STARD9: variants seen among roughly 807,000 people sequenced by gnomAD.
STARD9 encodes the protein StAR related lipid transfer domain containing 9, also known as stAR-related lipid transfer protein 9.
STARD9 carries 346 observed loss-of-function variants against 399.8 expected under a neutral mutation model. That is an observed-to-expected ratio of 0.87 (90% CI 0.79 to 0.95). The LOEUF is 0.95. Among genes scored for constraint, STARD9 ranks in the 40% least tolerant of loss-of-function variants. The pLI is 0.00. For missense variants in STARD9, 5,832 were observed against 5,667.5 expected, an observed-to-expected ratio of 1.03 and a Z score of -0.93; for synonymous variants, 2,203 against 2,143.5, an observed-to-expected ratio of 1.03 and a Z score of -0.77.
chr15:42,691,195 A>G lies in STARD9; in HGVS notation c.9617A>G (p.Asp3206Gly), dbSNP rs2060687619. Residue 3206 changes from aspartate to glycine, a missense_variant, in exon 23 of 33, where the codon GAC (aspartate) becomes GGC (glycine). Transcript: ENST00000290607. ...RLKHTCSPQE[D>G]SPWQEEEQHR... ...AAACATACCTGCAGCCCCCAGGAAG[A>G]CAGTCCCTGGCAGGAAGAAGAGCAG... The G allele has an allele frequency of 6.5e-7, 1 of 1,537,278 alleles. No homozygotes were observed. The highest frequency in any genetic ancestry group is 8.7e-7 in the Non-Finnish European group (1 of 1,146,900).
Position 42,685,692 on chromosome 15 carries a change from G to T in STARD9, c.4114G>T (p.Glu1372Ter). ...DMQEFHSCKG[E>*]RPGYWPNTEE... The stretch of plus-strand genomic sequence containing the variant: ...GCAGGAATTTCACTCCTGTAAGGGG[G>T]AGAGGCCTGGATACTGGCCAAATAC... Residue 1372 changes from glutamate to a stop codon, truncating the protein, a stop_gained, in exon 23 of 33, where the codon GAG becomes TAG. Transcript: ENST00000290607. LOFTEE classifies it high-confidence loss of function. The T allele has an allele frequency of 6.5e-7, 1 of 1,537,292 alleles. No individual in the cohort carries two copies. The highest frequency in any genetic ancestry group is 1.2e-5 in the South Asian group (1 of 84,062).
chr15:42,691,733 A>C lies in STARD9; in HGVS notation c.10155A>C (p.Lys3385Asn). The C allele has an allele frequency of 6.5e-7, 1 of 1,537,240 alleles. No individual in the cohort carries two copies. Among genetic ancestry groups the C allele is most frequent in the Non-Finnish European group, 8.7e-7 (1 of 1,146,904 alleles). The change falls in exon 23 of 33, where the codon AAA (lysine) becomes AAC (asparagine). Residue 3385 changes from lysine (K) to asparagine (N), a missense_variant. By Grantham distance (94) the Lys-to-Asn change is moderately conservative. This residue lies in a region of STARD9 where 5,828 missense variants were observed against 5,651.1 expected (regional missense o/e 1.03). Transcript: ENST00000290607. ...TSLQAEDSNQ[K>N]ASSRLDDGTT... ...TGCAGGCTGAGGACAGCAATCAGAA[A>C]GCCTCATCTCGCTTGGATGATGGGA...
At chr15:42,605,530 C>G (rs1318503055) in intron 3 of STARD9, among the ~76,000 whole-genome samples, 1 of 152,200 alleles carries the variant, frequency 6.6e-6, no homozygotes, top group Non-Finnish European at 1.5e-5. Flanking sequence ...CAAATAGCCC[C>G]TTAAACAGCT....
chr15:42,682,381 G>T lies in STARD9; in HGVS notation c.2343G>T (p.Leu781=), dbSNP rs1202749343. The change falls in exon 22 of 33, where the codon CTG becomes CTT. Residue 781 remains leucine, a synonymous_variant. Coordinates refer to ENST00000290607, the MANE Select transcript of STARD9 (RefSeq NM_020759.3). ...QLERIIKKQR[L]LEAQKRLEKL... The stretch of plus-strand genomic sequence containing the variant: ...AGAGAATCATCAAAAAGCAGAGGCT[G>T]CTGGAGGCCCAGAAGAGACTGGAGA... 6.5e-7 allele frequency: 1 copy of T among 1,537,264 alleles called. No individual in the cohort carries two copies. Among genetic ancestry groups the T allele is most frequent in the Admixed American group, 2.0e-5 (1 of 50,996 alleles).
chr15:42,710,422 T>C (rs1595822045), intron 26 of STARD9, among the ~76,000 whole-genome samples: 3 of 152,094 alleles, frequency 2.0e-5, no homozygotes, highest in African/African-American at 7.2e-5. Context: ...AGTATATTCA[T>C]AGAGTTGTGT....
intron 16 of STARD9, chr15:42,671,066 A>G (rs1209650301): frequency 6.6e-6 from 1 of 151,304 alleles, no homozygotes; most frequent in African/African-American, 2.4e-5. Flanking sequence ...GGACATGACT[A>G]TTAGATTGAA....
intron 15 of STARD9, among the ~76,000 whole-genome samples, chr15:42,666,265 A>T (rs2060100927): frequency 6.6e-6 from 1 of 152,218 alleles, no homozygotes; most frequent in African/African-American, 2.4e-5. Flanking sequence ...TTCATGAACC[A>T]TGTGATTTAG....
intron 3 of STARD9, among the ~76,000 whole-genome samples, chr15:42,617,215 T>A (rs896146135): frequency 6.6e-6 from 1 of 152,200 alleles, no homozygotes; most frequent in Non-Finnish European, 1.5e-5. Flanking sequence ...TTTCACATAA[T>A]TTTATTAGAG....
At chr15:42,580,212 G>A (rs1217469320) in intron 1 of STARD9, among the ~76,000 whole-genome samples, 2 of 152,208 alleles carry the variant, frequency 1.3e-5, no homozygotes, top group African/African-American at 4.8e-5. Context: ...AGTGTCACAG[G>A]GTAATGCTAC....
intron 7 of STARD9, among the ~76,000 whole-genome samples, chr15:42,647,071 A>G (rs1489337450): frequency 1.3e-5 from 2 of 152,224 alleles, no homozygotes; most frequent in Admixed American, 6.5e-5. Context: ...AGTAACATCA[A>G]AGATTACTGG....
At position 42,690,036 on chromosome 15, in the gene STARD9, G is replaced by A; in HGVS notation, c.8458G>A (p.Asp2820Asn). The change falls in exon 23 of 33, where the codon GAT becomes AAT. Residue 2820 changes from aspartate to asparagine, a missense_variant. Around this residue, in one of 2 missense-constraint regions of STARD9, gnomAD observed 5,828 missense variants for 5,651.1 expected, o/e 1.03. Transcript: ENST00000290607. ...AHFESQSVTC[D>N]VQNSTSASGP... ...TTTTGAAAGTCAGTCTGTGACCTGT[G>A]ATGTTCAGAATTCTACAAGTGCCTC... 6.5e-7 allele frequency: 1 copy of A among 1,537,504 alleles called. No individual in the cohort carries two copies. Among genetic ancestry groups the A allele is most frequent in the Non-Finnish European group, 8.7e-7 (1 of 1,146,974 alleles).
In STARD9 at chr15:42,688,232, G is replaced by A; in HGVS notation, c.6654G>A (p.Arg2218=). The A allele has an allele frequency of 6.5e-7, 1 of 1,537,536 alleles. No homozygotes were observed. Among genetic ancestry groups the A allele is most frequent in the Non-Finnish European group, 8.7e-7 (1 of 1,147,002 alleles). Residue 2218 remains arginine (R), a synonymous_variant, in exon 23 of 33, where the codon AGG becomes AGA. Transcript: ENST00000290607. ...TGCCATTGCAACCCAGGCTAGAGAG[G>A]TCTTCTAAGAATAATGGCCAGTTTG... is the stretch of plus-strand genomic sequence containing the variant. ...RALPLQPRLE[R]SSKNNGQFVK... is the part of the protein sequence containing the mutation.
At chr15:42,631,362 G>C (rs1361223183) in intron 3 of STARD9, among the ~76,000 whole-genome samples, 1 of 152,052 alleles carries the variant, frequency 6.6e-6, no homozygotes, top group Non-Finnish European at 1.5e-5. Context: ...TGGGCAGACT[G>C]CCTGAGCTCA....
chr15:42,692,673 T>C lies in STARD9; in HGVS notation c.11095T>C (p.Ser3699Pro), dbSNP rs2060738660. 1 of 1,536,928 alleles carries C rather than the reference T, an allele frequency of 6.5e-7. No individual in the cohort carries two copies. Among genetic ancestry groups the C allele is most frequent in the African/African-American group, 1.4e-5 (1 of 72,988 alleles). Residue 3699 changes from serine to proline, a missense_variant, in exon 23 of 33, where the codon TCC (serine) becomes CCC (proline). Ser to Pro is a moderately conservative substitution (Grantham distance 74, BLOSUM62 -1). Coordinates refer to ENST00000290607, the MANE Select transcript of STARD9 (RefSeq NM_020759.3). ...HSTSELLGSL[S>P]QPDVARREQN... The stretch of plus-strand genomic sequence containing the variant: ...TACCTCAGAGCTGCTTGGGAGTCTC[T>C]CCCAGCCAGATGTGGCCAGAAGGGA...
chr15:42,616,890 C>CA (rs565991513), intron 3 of STARD9, among the ~76,000 whole-genome samples: 3,226 of 56,854 alleles, frequency 0.057, 47 homozygotes, highest in Non-Finnish European at 0.067. Context: ...GACTTCCTCT[C>CA]AAAAAAAAAA....
intron 1 of STARD9, among the ~76,000 whole-genome samples, chr15:42,578,714 CAG>C (rs928017786): frequency 2.1e-4 from 32 of 150,730 alleles, no homozygotes; most frequent in African/African-American, 7.8e-4. Context: ...ATTAAACAAA[CAG>C]AAGATACTTT....
intron 22 of STARD9, among the ~76,000 whole-genome samples, chr15:42,683,401 TA>T (rs2060477231): frequency 6.6e-6 from 1 of 152,364 alleles, no homozygotes; most frequent in Admixed American, 6.5e-5. Flanking sequence ...TGAAGTTTTT[TA>T]AAGCAATTTC....
chr15:42,618,085 T>C (rs1325134207), intron 3 of STARD9, among the ~76,000 whole-genome samples: 2 of 152,108 alleles, frequency 1.3e-5, no homozygotes, highest in Non-Finnish European at 2.9e-5. Flanking sequence ...ACACACTTTA[T>C]GTATTTAGTA....
At chr15:42,665,166 A>G (rs2060070077) in intron 13 of STARD9, 87 bp from the exon 14 acceptor site, 2 of 1,048,456 alleles carry the variant, frequency 1.9e-6, no homozygotes, top group Admixed American at 2.0e-5. Context: ...GGAGTAATCT[A>G]CCTCTTCCCA....
Sources: gnomAD v4.1 joint callset for allele counts (sites outside exome capture counted in the v4.1 genomes callset) on GRCh38, gnomAD v4.1.1 for gene constraint, gnomAD v4.1.1 regional missense constraint, MANE v1.5 for transcripts, NCBI Gene and HGNC (gene_info 2026-07-23, HGNC 2026-07-21) for gene names.